SCARB2: variants seen among roughly 807,000 people sequenced by gnomAD.
The protein encoded by SCARB2 is scavenger receptor class B member 2.
In SCARB2, 29 loss-of-function variants were observed where a neutral mutation model predicts 58.6. That is an observed-to-expected ratio of 0.49 (90% CI 0.37 to 0.67). SCARB2 has a LOEUF of 0.67. Ranked by LOEUF, SCARB2 falls within the 30% of genes least tolerant of loss-of-function variation. The pLI is 0.00. For synonymous variants in SCARB2, 195 were observed against 210.1 expected, an observed-to-expected ratio of 0.93 and a Z score of 0.62; for missense variants, 488 against 578.5, an observed-to-expected ratio of 0.84 and a Z score of 1.60.
In SCARB2 at chr4:76,213,700, G is replaced by A; in HGVS notation, c.-157C>T. On this transcript the variant is annotated 5_prime_UTR_variant, in exon 1 of 12. Coordinates refer to ENST00000264896, the MANE Select transcript of SCARB2 (RefSeq NM_005506.4). ...GTTCGTGCGCGCAGCTCTGGGCTCCGCGGCCTGGCGAGCGCGGCCCCGGGT... is the reference window on the plus strand; with the variant it reads ...GTTCGTGCGCGCAGCTCTGGGCTCCACGGCCTGGCGAGCGCGGCCCCGGGT... 1 of 561,928 alleles carries A rather than the reference G, an allele frequency of 1.8e-6. No individual in the cohort carries two copies. The highest frequency in any genetic ancestry group is 3.0e-6 in the Non-Finnish European group (1 of 329,638). The allele number at this position is 561,928 out of a possible 1,614,324, so 34.8% of individuals were successfully genotyped here.
At chr4:76,195,040 T>C (rs756549976) in intron 2 of SCARB2, 1 of 151,980 alleles carries the variant, frequency 6.6e-6, no homozygotes, top group Non-Finnish European at 1.5e-5. Context: ...ATGTGGGGAA[T>C]GGAAATGGAG....
intron 1 of SCARB2, among the ~76,000 whole-genome samples, chr4:76,196,822 C>T (rs1732722530): frequency 6.6e-6 from 1 of 152,226 alleles, no homozygotes; most frequent in Non-Finnish European, 1.5e-5. Context: ...CACCCCTGTT[C>T]TGTGTTACAG....
In SCARB2 at chr4:76,161,400, C is replaced by A; in HGVS notation, c.*313G>T. ...ACAAGTGATGCAGAGACATTTTACC[C>A]ACAATAGTGGTCACAAAATTCTGGA... On this transcript the variant is annotated 3_prime_UTR_variant, in exon 12 of 12. Coordinates refer to ENST00000264896, the MANE Select transcript of SCARB2 (RefSeq NM_005506.4). The A allele has an allele frequency of 2.3e-6, 1 of 428,114 alleles. No homozygotes were observed. Among genetic ancestry groups the A allele is most frequent in the Non-Finnish European group, 4.3e-6 (1 of 232,554 alleles). 26.5% of individuals were successfully genotyped at this position (428,114 alleles called of 1,614,324 possible). A position where few individuals can be genotyped will look rare whatever the true frequency, so the allele number is the denominator to read the frequency against.
chr4:76,175,740 T>C (rs758293416), intron 6 of SCARB2, 51 bp downstream of exon 6: 5 of 1,608,558 alleles, frequency 3.1e-6, no homozygotes, highest in Middle Eastern at 1.7e-4. Flanking sequence ...TTGGTGGTCT[T>C]GCAGTGAAAG....
chr4:76,165,328 A>G (rs1731981152), intron 10 of SCARB2: 1 of 152,248 alleles, frequency 6.6e-6, no homozygotes, highest in African/African-American at 2.4e-5. Flanking sequence ...ATAATGCTAA[A>G]TGGAGAAAAA....
chr4:76,202,266 A>T (rs1732842454), intron 1 of SCARB2, among the ~76,000 whole-genome samples: 1 of 152,042 alleles, frequency 6.6e-6, no homozygotes, highest in Non-Finnish European at 1.5e-5. Context: ...TTATTCAGTT[A>T]CTTATTTATT....
Position 76,161,641 on chromosome 4 carries a change from T to TCC in SCARB2, c.*71_*72insGG. ...AACAGGCAACAAGCCTGCAAGGAGG[T>TCC]GGAGGGTTTCCCCACGTCATCGTCC... On this transcript the variant is annotated 3_prime_UTR_variant, in exon 12 of 12. Transcript: ENST00000264896. 6.6e-7 allele frequency: 1 copy of TCC among 1,506,362 alleles called. No individual in the cohort carries two copies. The highest frequency in any genetic ancestry group is 1.1e-5 in the South Asian group (1 of 88,824). The allele number at this position is 1,506,362 out of a possible 1,614,324, so 93.3% of individuals were successfully genotyped here. A position where few individuals can be genotyped will look rare whatever the true frequency, so the allele number is the denominator to read the frequency against.
chr4:76,184,156 T>G lies in SCARB2; in HGVS notation c.276-3055A>C, dbSNP rs532153888. On this transcript the variant is annotated intron_variant, in intron 2 of 11. Transcript: ENST00000264896. Reference sequence around the variant, plus strand: ...AATACAGCATGTAGTATTGCCCCACTTCACAGCTGGGGACACAGAGCACAG... The same window carrying G: ...AATACAGCATGTAGTATTGCCCCACGTCACAGCTGGGGACACAGAGCACAG... Among the ~76,000 whole-genome samples, 17 of 152,300 alleles carry G rather than the reference T, an allele frequency of 1.1e-4. No individual in the cohort carries two copies. In the East Asian group the frequency reaches 3.1e-3, roughly 28 times the overall value.
chr4:76,219,510 G>A (rs945045430), intron 1 of SCARB2, among the ~76,000 whole-genome samples: 7 of 152,164 alleles, frequency 4.6e-5, no homozygotes, highest in African/African-American at 1.2e-4. Context: ...TGAAATCAGG[G>A]CTAAATAAAC....
chr4:76,179,260 G>T, intron 4 of SCARB2: 1 of 464,392 alleles, frequency 2.2e-6, no homozygotes, highest in Non-Finnish European at 4.0e-6. Context: ...TGCCATGTTG[G>T]CCAGGCTGGT....
At chr4:76,189,486 T>TTGTTGTTGTTGTTGTTG (rs1732556519) in intron 2 of SCARB2, among the ~76,000 whole-genome samples, 2 of 151,990 alleles carry the variant, frequency 1.3e-5, no homozygotes. Flanking sequence ...GTTGTTGTTG[T>TTGTTGTTGTTGTTGTTG]TGTTGTTGTT....
Position 76,160,079 on chromosome 4 carries a change from A to G in SCARB2, c.*1634T>C, listed in dbSNP as rs1731865079. 6.6e-6 allele frequency: 1 copy of G among 152,182 alleles called. No individual in the cohort carries two copies. Among genetic ancestry groups the G allele is most frequent in the African/African-American group, 2.4e-5 (1 of 41,418 alleles). 9.4% of individuals were successfully genotyped at this position (152,182 alleles called of 1,614,324 possible). ...AAGGTTCTATCTTGATTCTATAGAA[A>G]ATTTGAGAGTTTAATGAATTGCCTC... On this transcript the variant is annotated 3_prime_UTR_variant, in exon 12 of 12. Transcript: ENST00000264896.
chr4:76,171,335 G>C (rs1279022416), intron 7 of SCARB2, among the ~76,000 whole-genome samples: 1 of 152,144 alleles, frequency 6.6e-6, no homozygotes, highest in Non-Finnish European at 1.5e-5. Flanking sequence ...ACCTCAAGAA[G>C]CTATAACCAC....
At chr4:76,161,858 T>C in intron 11 of SCARB2, 107 bp from the exon 12 acceptor site, 3 of 1,040,178 alleles carry the variant, frequency 2.9e-6, no homozygotes, top group Admixed American at 1.9e-5. Flanking sequence ...GAGAGACCTA[T>C]AGGAAGGTGG....
chr4:76,167,682 C>CCG (rs1491032533), intron 9 of SCARB2, among the ~76,000 whole-genome samples: 4 of 103,948 alleles, frequency 3.8e-5, no homozygotes, highest in Non-Finnish European at 7.3e-5. Flanking sequence ...TCCCCCCCCC[C>CCG]GCTTTTTTTT....
At chr4:76,190,675 G>A (rs1042289747) in intron 2 of SCARB2, among the ~76,000 whole-genome samples, 4 of 152,016 alleles carry the variant, frequency 2.6e-5, no homozygotes, top group South Asian at 2.1e-4. Flanking sequence ...TCCCAGCTAC[G>A]GGGGAGGCTG....
In SCARB2 at chr4:76,174,244, A is replaced by G. The variant is rs1211597337; in HGVS notation, c.894T>C (p.Pro298=). 1.2e-6 allele frequency: 2 copies of G among 1,614,114 alleles called. No homozygotes were observed. The highest frequency in any genetic ancestry group is 1.7e-5 in the Admixed American group (1 of 60,006). ...QGLPAFRYKV[P]AEILANTSDN... is the part of the protein sequence containing the mutation. ...CTGACGTATTGGCTAATATTTCTGCAGGAACTTTATACCGAAAGGCAGGCA... is the reference window on the plus strand; with the variant it reads ...CTGACGTATTGGCTAATATTTCTGCGGGAACTTTATACCGAAAGGCAGGCA... The change falls in exon 7 of 12, where the codon CCT becomes CCC. Residue 298 remains proline, a synonymous_variant. Coordinates refer to ENST00000264896, the MANE Select transcript of SCARB2 (RefSeq NM_005506.4).
rs1488443829 is a variant in SCARB2, at chr4:76,179,695, T to C, written c.434A>G (p.Glu145Gly). 1 of 1,613,446 alleles carries C rather than the reference T, an allele frequency of 6.2e-7. No homozygotes were observed. The highest frequency in any genetic ancestry group is 1.6e-4 in the Middle Eastern group (1 of 6,062). Reference protein sequence around the residue: ...TLNIPVLTVIEWSQVHFLREI... With the variant: ...TLNIPVLTVIGWSQVHFLREI... ...CCTGAGGAAGTGCACCTGGGACCAC[T>C]CTATGACAGTCTGCGGAGCAGAGGT... Residue 145 changes from glutamate to glycine, a missense_variant, in exon 4 of 12, where the codon GAG (glutamate) becomes GGG (glycine). Coordinates refer to ENST00000264896, the MANE Select transcript of SCARB2 (RefSeq NM_005506.4).
chr4:76,175,560 G>T (rs532712822), intron 6 of SCARB2: 2 of 545,876 alleles, frequency 3.7e-6, no homozygotes, highest in South Asian at 4.1e-5. Flanking sequence ...TAAGTAATTT[G>T]CCCAAGGTCA....
Sources: gnomAD v4.1 joint callset for allele counts (sites outside exome capture counted in the v4.1 genomes callset) on GRCh38, gnomAD v4.1.1 for gene constraint, MANE v1.5 for transcripts, NCBI Gene and HGNC (gene_info 2026-07-23, HGNC 2026-07-21) for gene names.